AIG1: variants seen among roughly 807,000 people sequenced by gnomAD.
AIG1 encodes the protein androgen induced 1, also known as androgen-induced gene 1 protein.
Under a neutral mutation model 31.4 loss-of-function variants are expected in AIG1, and 23 were observed. The ratio of observed to expected loss-of-function variants is 0.73; its 90% CI spans 0.53 to 1.04. AIG1 has a LOEUF of 1.04. Ranked by LOEUF, AIG1 falls within the 50% of genes least tolerant of loss-of-function variation. The probability of loss-of-function intolerance (pLI) is 0.00; values close to 1 mark genes in which losing one functional copy is unlikely to be tolerated. For synonymous variants in AIG1, 100 were observed against 110.5 expected (o/e 0.90, Z 0.60); for missense variants, 274 against 295.0 (o/e 0.93, Z 0.52).
In AIG1 at chr6:143,329,749, A is replaced by T. The variant is rs9399438; in HGVS notation, c.516-3533A>T. Among the ~76,000 whole-genome samples, 53,368 of 152,030 alleles carry T rather than the reference A, an allele frequency of 0.35. 9,868 individuals carry two copies. The highest frequency in any genetic ancestry group is 0.68 in the East Asian group (3,511 of 5,164). The stretch of plus-strand genomic sequence containing the variant: ...TTTCACATTTTTAAATAGTTGAAAA[A>T]ATCAAAAGATGAATATTTCATGATG... On this transcript the variant is annotated intron_variant, in intron 4 of 5. Transcript: ENST00000357847. The surrounding 1 kb of genome is among the most constrained non-coding windows in gnomAD (Gnocchi z 4.9).
Position 143,199,695 on chromosome 6 carries a change from T to C in AIG1, c.399+34512T>C, listed in dbSNP as rs554460411. On this transcript the variant is annotated intron_variant, in intron 3 of 5. Coordinates refer to ENST00000357847, the MANE Select transcript of AIG1 (RefSeq NM_016108.4). ...TGCTTTTGAGTCAACTAAGCAAGAT[T>C]TTGGTGAGTGGCCGCTTCATCCAGT... is the stretch of plus-strand genomic sequence containing the variant. Among the ~76,000 whole-genome samples, 3 of 152,324 alleles carry C rather than the reference T, an allele frequency of 2.0e-5. No individual in the cohort carries two copies. In the South Asian group the frequency reaches 6.2e-4, roughly 32 times the overall value.
intron 3 of AIG1, among the ~76,000 whole-genome samples, chr6:143,275,033 A>G (rs1020320504): frequency 2.6e-5 from 4 of 152,226 alleles, no homozygotes; most frequent in Non-Finnish European, 5.9e-5. Flanking sequence ...GATGAAATAA[A>G]TATTTTCTTT....
intron 4 of AIG1, among the ~76,000 whole-genome samples, chr6:143,313,760 T>C (rs1775504810): frequency 6.6e-6 from 1 of 152,186 alleles, no homozygotes; most frequent in African/African-American, 2.4e-5. Flanking sequence ...TACCCTGATA[T>C]GATTATTATG....
chr6:143,285,003 T>C (rs1209084565), intron 4 of AIG1, among the ~76,000 whole-genome samples: 3 of 152,130 alleles, frequency 2.0e-5, no homozygotes, highest in Admixed American at 2.0e-4. Context: ...TTTCTGCCTC[T>C]TGGGACTCTT....
chr6:143,248,110 A>G (rs886874789), intron 3 of AIG1, among the ~76,000 whole-genome samples: 1 of 152,200 alleles, frequency 6.6e-6, no homozygotes, highest in African/African-American at 2.4e-5. Context: ...TTGAGAGTCA[A>G]TGGAGTTTTT....
At chr6:143,191,827 G>A (rs1789816730) in intron 3 of AIG1, among the ~76,000 whole-genome samples, 1 of 152,166 alleles carries the variant, frequency 6.6e-6, no homozygotes, top group Non-Finnish European at 1.5e-5. Context: ...TCATTTGCAT[G>A]TTTCAGACAA....
intron 3 of AIG1, among the ~76,000 whole-genome samples, chr6:143,239,119 G>A (rs990007761): frequency 1.3e-5 from 2 of 152,176 alleles, no homozygotes; most frequent in African/African-American, 4.8e-5. Context: ...CTTTGCCAAG[G>A]GTGTGCACAG....
At chr6:143,232,881 G>A (rs74804312) in intron 3 of AIG1, among the ~76,000 whole-genome samples, 5,057 of 152,242 alleles carry the variant, frequency 0.033, 109 homozygotes, top group Non-Finnish European at 0.048. Context: ...TGTGTGGAAG[G>A]TGGTGCAAAT....
chr6:143,172,845 A>G (rs926313357), intron 3 of AIG1, among the ~76,000 whole-genome samples: 1 of 151,988 alleles, frequency 6.6e-6, no homozygotes, highest in African/African-American at 2.4e-5. Context: ...TTTCTAGTTT[A>G]TGTGCATAAA....
At chr6:143,305,854 G>A (rs1444475408) in intron 4 of AIG1, among the ~76,000 whole-genome samples, 2 of 151,916 alleles carry the variant, frequency 1.3e-5, no homozygotes, top group Non-Finnish European at 1.5e-5. Context: ...TATTGTGTGG[G>A]AGTCTAAGTC....
intron 4 of AIG1, among the ~76,000 whole-genome samples, chr6:143,302,101 T>A (rs187226480): frequency 1.4e-3 from 211 of 152,216 alleles, no homozygotes; most frequent in African/African-American, 4.9e-3. Context: ...AGTTTGTGAT[T>A]GCACAGTAAT....
At chr6:143,077,999 T>C (rs1357034078) in intron 1 of AIG1, among the ~76,000 whole-genome samples, 1 of 152,240 alleles carries the variant, frequency 6.6e-6, no homozygotes, top group Non-Finnish European at 1.5e-5. Flanking sequence ...TTGATATGCA[T>C]GTCAGATCTT....
At chr6:143,286,279 A>G (rs1256446028) in intron 4 of AIG1, among the ~76,000 whole-genome samples, 2 of 152,098 alleles carry the variant, frequency 1.3e-5, no homozygotes, top group Non-Finnish European at 2.9e-5. Flanking sequence ...ATAGACCCCC[A>G]AGATCCCTCA....
chr6:143,259,178 CT>C (rs930203868), intron 3 of AIG1, among the ~76,000 whole-genome samples: 1 of 152,202 alleles, frequency 6.6e-6, no homozygotes, highest in Non-Finnish European at 1.5e-5. Flanking sequence ...CAATTTTGGA[CT>C]TTCCAGCCAC....
chr6:143,318,113 C>T (rs925188442), intron 4 of AIG1, among the ~76,000 whole-genome samples: 1 of 151,974 alleles, frequency 6.6e-6, no homozygotes, highest in Non-Finnish European at 1.5e-5. Context: ...CATCAAAATA[C>T]CACCATCATT....
chr6:143,062,746 C>G (rs971451491), intron 1 of AIG1, among the ~76,000 whole-genome samples: 1 of 152,186 alleles, frequency 6.6e-6, no homozygotes, highest in Non-Finnish European at 1.5e-5. Context: ...TTACACTTAA[C>G]TATGTTAAGG....
intron 3 of AIG1, among the ~76,000 whole-genome samples, chr6:143,202,203 A>G (rs938843043): frequency 2.0e-5 from 3 of 152,278 alleles, no homozygotes; most frequent in Non-Finnish European, 2.9e-5. Flanking sequence ...ATTTAATAAC[A>G]GTTTTCAGGA....
At chr6:143,313,041 A>G (rs1018836173) in intron 4 of AIG1, among the ~76,000 whole-genome samples, 7 of 152,154 alleles carry the variant, frequency 4.6e-5, no homozygotes, top group African/African-American at 1.7e-4. Flanking sequence ...CTTTTATCCA[A>G]AGACAGCCAA....
Position 143,261,283 on chromosome 6 carries a change from C to T in AIG1, c.400-22827C>T, listed in dbSNP as rs1182092923. Among the ~76,000 whole-genome samples the T allele has an allele frequency of 3.3e-5, 5 of 152,316 alleles. 1 individual carries two copies. The highest frequency in any genetic ancestry group is 1.2e-4 in the African/African-American group (5 of 41,566). On this transcript the variant is annotated intron_variant, in intron 3 of 5. Transcript: ENST00000357847. ...ACTAGCTGGGATTCCAGGCACACAC[C>T]ACCATGCACGGGTTATTTTTCTATT... is the stretch of plus-strand genomic sequence containing the variant.
Sources: gnomAD v4.1 joint callset for allele counts (sites outside exome capture counted in the v4.1 genomes callset) on GRCh38, gnomAD v4.1.1 for gene constraint, Gnocchi (gnomAD v3.1) non-coding constraint, MANE v1.5 for transcripts, NCBI Gene and HGNC (gene_info 2026-07-23, HGNC 2026-07-21) for gene names.